Variants in XRCC4 observed in about 807,000 individuals in gnomAD.
The protein encoded by XRCC4 is X-ray repair cross complementing 4, also known as DNA repair protein XRCC4.
Under a neutral mutation model 39.1 loss-of-function variants are expected in XRCC4, and 28 were observed. The observed-to-expected ratio is 0.72, with a 90% CI of 0.53 to 0.98. The LOEUF (loss-of-function observed/expected upper bound fraction) is 0.98. Ranked by LOEUF, XRCC4 falls within the 50% of genes least tolerant of loss-of-function variation. XRCC4 has a pLI of 0.00. For missense variants in XRCC4, 350 were observed against 376.4 expected (o/e 0.93, Z 0.58); for synonymous variants, 123 against 126.4 (o/e 0.97, Z 0.18).
chr5:83,321,525 C>G (rs1348102297), intron 7 of XRCC4, among the ~76,000 whole-genome samples: 2 of 146,154 alleles, frequency 1.4e-5, no homozygotes, highest in African/African-American at 2.4e-5. Context: ...GTAGCCTTGC[C>G]TGTTCCTATT....
chr5:83,295,957 T>C (rs1755081061), intron 7 of XRCC4, among the ~76,000 whole-genome samples: 1 of 152,046 alleles, frequency 6.6e-6, no homozygotes, highest in Middle Eastern at 3.2e-3. Context: ...AGAGTAGAAC[T>C]TTAGAGGACC....
At chr5:83,252,809 GT>G (rs1753376213) in intron 6 of XRCC4, among the ~76,000 whole-genome samples, 1 of 152,060 alleles carries the variant, frequency 6.6e-6, no homozygotes, top group Non-Finnish European at 1.5e-5. Flanking sequence ...TTATAAGTAA[GT>G]TTTTGATTAA....
At chr5:83,177,207 G>A (rs555311224) in intron 3 of XRCC4, among the ~76,000 whole-genome samples, 18 of 152,138 alleles carry the variant, frequency 1.2e-4, no homozygotes, top group African/African-American at 4.1e-4. Context: ...AGCCTTTAAG[G>A]TAGGTTTCAG....
intron 1 of XRCC4, among the ~76,000 whole-genome samples, chr5:83,082,849 A>G (rs957638028): frequency 4.6e-5 from 7 of 152,226 alleles, no homozygotes; most frequent in Middle Eastern, 3.4e-3. Context: ...TCTGCTCTAC[A>G]TGATCTGGTC....
intron 7 of XRCC4, among the ~76,000 whole-genome samples, chr5:83,264,018 A>G (rs1004148028): frequency 1.3e-5 from 2 of 152,216 alleles, no homozygotes; most frequent in Non-Finnish European, 2.9e-5. Context: ...TACAAGGTGC[A>G]GAAAAAGATG....
At chr5:83,286,682 G>A (rs1217671398) in intron 7 of XRCC4, among the ~76,000 whole-genome samples, 1 of 152,004 alleles carries the variant, frequency 6.6e-6, no homozygotes, top group Non-Finnish European at 1.5e-5. Flanking sequence ...CAACAAAATA[G>A]CTTCATAGCA....
intron 7 of XRCC4, among the ~76,000 whole-genome samples, chr5:83,303,046 C>T (rs1438576877): frequency 6.6e-6 from 1 of 152,074 alleles, no homozygotes; most frequent in African/African-American, 2.4e-5. Flanking sequence ...AACCCCGTCT[C>T]TGCTGAAAAT....
intron 7 of XRCC4, 95 bp from the exon 8 acceptor site, chr5:83,353,036 A>T: frequency 1.0e-6 from 1 of 968,690 alleles, no homozygotes; most frequent in Non-Finnish European, 1.5e-6. Flanking sequence ...AACAGGATTT[A>T]ACTGTCATTT....
At chr5:83,100,601 T>C (rs1259315115) in intron 1 of XRCC4, among the ~76,000 whole-genome samples, 3 of 152,104 alleles carry the variant, frequency 2.0e-5, no homozygotes, top group African/African-American at 4.8e-5. Context: ...GTTCTTAAGG[T>C]AAGTTTAAGA....
chr5:83,077,997 A>C (rs897972986), intron 1 of XRCC4: 1 of 152,216 alleles, frequency 6.6e-6, no homozygotes, highest in Non-Finnish European at 1.5e-5. Flanking sequence ...TGTCCTTTCA[A>C]TCCCCAGATA....
intron 7 of XRCC4, among the ~76,000 whole-genome samples, chr5:83,301,215 G>T (rs1755272321): frequency 6.6e-6 from 1 of 152,036 alleles, no homozygotes. Flanking sequence ...AAGTGTTTCT[G>T]TTTTGCCACA....
chr5:83,196,776 T>C lies in XRCC4; in HGVS notation c.482+840T>C, dbSNP rs1043544405. ...TAGTACATCCAGTAGATTTTTTAAATCTTTTGCTTAAATAACTCTAAAGCA... is the reference window on the plus strand; with the variant it reads ...TAGTACATCCAGTAGATTTTTTAAACCTTTTGCTTAAATAACTCTAAAGCA... On this transcript the variant is annotated intron_variant, in intron 4 of 7. Transcript: ENST00000396027. 2.0e-5 allele frequency among the ~76,000 whole-genome samples: 3 copies of C among 151,674 alleles called. No individual in the cohort carries two copies. The South Asian group carries it at 6.2e-4, about 31-fold the overall frequency.
At chr5:83,127,529 C>G (rs577247454) in intron 3 of XRCC4, among the ~76,000 whole-genome samples, 1 of 152,018 alleles carries the variant, frequency 6.6e-6, no homozygotes, top group Admixed American at 6.6e-5. Flanking sequence ...CTACGTGGAG[C>G]TGTGAGTCCA....
chr5:83,124,324 A>C (rs1239378966), intron 3 of XRCC4, among the ~76,000 whole-genome samples: 2 of 152,102 alleles, frequency 1.3e-5, no homozygotes, highest in African/African-American at 2.4e-5. Context: ...TCTGTTTGTC[A>C]CTGTAGTTTT....
At chr5:83,217,479 G>A (rs1176965979) in intron 6 of XRCC4, among the ~76,000 whole-genome samples, 6 of 151,784 alleles carry the variant, frequency 4.0e-5, no homozygotes, top group Non-Finnish European at 5.9e-5. Context: ...AAATTAATCC[G>A]GAGGGTAATG....
intron 3 of XRCC4, among the ~76,000 whole-genome samples, chr5:83,131,022 T>C (rs555777358): frequency 3.9e-5 from 6 of 152,272 alleles, no homozygotes; most frequent in South Asian, 4.1e-4. Flanking sequence ...CTTTTGAATA[T>C]GTTTGCTCTT....
intron 4 of XRCC4, among the ~76,000 whole-genome samples, chr5:83,198,347 A>G (rs1751037711): frequency 6.6e-6 from 1 of 152,118 alleles, no homozygotes; most frequent in South Asian, 2.1e-4. Context: ...GCGATGGTAG[A>G]TGGGTCTGAG....
At chr5:83,225,146 T>C (rs1332624212) in intron 6 of XRCC4, among the ~76,000 whole-genome samples, 2 of 152,148 alleles carry the variant, frequency 1.3e-5, no homozygotes, top group Non-Finnish European at 2.9e-5. Context: ...AAGGTTCCTC[T>C]CAAATCTTTG....
At chr5:83,140,707 A>T (rs1480850078) in intron 3 of XRCC4, among the ~76,000 whole-genome samples, 6 of 152,212 alleles carry the variant, frequency 3.9e-5, no homozygotes, top group Admixed American at 2.6e-4. Flanking sequence ...TTTTGTCTTT[A>T]TGCATATATT....
Sources: allele counts gnomAD v4.1 joint callset (sites outside exome capture counted in the v4.1 genomes callset), GRCh38; gene constraint gnomAD v4.1.1; transcripts MANE v1.5; gene names NCBI Gene and HGNC (gene_info 2026-07-23, HGNC 2026-07-21).